CLEC18B: variants seen among roughly 807,000 people sequenced by gnomAD.
CLEC18B encodes the protein C-type lectin domain family 18 member B.
CLEC18B carries 5 observed loss-of-function variants against 60.4 expected under a neutral mutation model. The observed-to-expected ratio is 0.08, with a 90% CI of 0.04 to 0.17. The LOEUF (loss-of-function observed/expected upper bound fraction) is 0.17, where lower values mean the gene tolerates loss of function less well. Among genes scored for constraint, CLEC18B ranks in the 10% least tolerant of loss-of-function variants. CLEC18B has a pLI of 1.00. For synonymous variants in CLEC18B, 16 were observed against 221.2 expected (o/e 0.07, Z 8.23); for missense variants, 26 against 572.8 (o/e 0.05, Z 9.74).
rs1369493064 is a variant in CLEC18B at position 74,409,590 on chromosome 16, G to C, written c.1263C>G (p.Asp421Glu). 4 of 1,613,840 alleles carry C rather than the reference G, an allele frequency of 2.5e-6. No homozygotes were observed. The African/African-American group carries it at 5.3e-5, about 22-fold the overall frequency. ...AACGGTTTCGGGTTTTGCAGCGCTG[G>C]TCGTTCCAGTTGAAGGCAGCTGAAG... ...LQASAAFNWNDQRCKTRNRYI... is the reference protein window; with the variant it reads ...LQASAAFNWNEQRCKTRNRYI... The change falls in exon 11 of 12, where the codon GAC becomes GAG. Residue 421 changes from aspartate to glutamate, a missense_variant. Coordinates refer to ENST00000682950, the MANE Select transcript of CLEC18B (RefSeq NM_001385193.1).
chr16:74,416,256 C>A (rs1418547381), intron 3 of CLEC18B, among the ~76,000 whole-genome samples: 1 of 136,364 alleles, frequency 7.3e-6, no homozygotes, highest in African/African-American at 2.6e-5. Context: ...GAGCGAGACT[C>A]CGTCTCAAAA....
intron 2 of CLEC18B, among the ~76,000 whole-genome samples, chr16:74,419,940 A>G (rs2013602341): frequency 6.6e-6 from 1 of 152,148 alleles, no homozygotes; most frequent in Admixed American, 6.5e-5. Context: ...CCAACCCCGC[A>G]GCCCCAGCCG....
At chr16:74,422,159 A>G (rs2013712627), upstream of CLEC18B, 2 of 151,602 alleles carry the variant, frequency 1.3e-5, no homozygotes, top group African/African-American at 2.4e-5. Flanking sequence ...GCACGTTGCC[A>G]TGATGTGCCG....
intron 2 of CLEC18B, among the ~76,000 whole-genome samples, chr16:74,418,778 T>G (rs1384232862): frequency 1.3e-5 from 2 of 151,740 alleles, no homozygotes; most frequent in Non-Finnish European, 2.9e-5. Flanking sequence ...CACGCACAGC[T>G]GACCCCGCCC....
intron 2 of CLEC18B, among the ~76,000 whole-genome samples, chr16:74,419,915 C>T (rs563657028): frequency 4.1e-3 from 623 of 151,792 alleles, no homozygotes; most frequent in African/African-American, 0.014. Flanking sequence ...GTTTCTGAGC[C>T]TCCAGATGAC....
chr16:74,413,403 G>C (rs1200872829), intron 4 of CLEC18B, among the ~76,000 whole-genome samples, 176 bp downstream of exon 4: 1 of 152,274 alleles, frequency 6.6e-6, no homozygotes, highest in African/African-American at 2.4e-5. Context: ...AGCACCTTCT[G>C]CGTGGCCAGA....
chr16:74,408,677 G>C lies in CLEC18B; in HGVS notation c.*329C>G. On this transcript the variant is annotated 3_prime_UTR_variant, in exon 12 of 12. Coordinates refer to ENST00000682950, the MANE Select transcript of CLEC18B (RefSeq NM_001385193.1). Reference sequence around the variant, plus strand: ...TACCCCGTGGGGTTCATGCCACAGGGAAGCTCCGCTGCCCCACAGGGTCTG... The same window carrying C: ...TACCCCGTGGGGTTCATGCCACAGGCAAGCTCCGCTGCCCCACAGGGTCTG... The C allele has an allele frequency of 1.7e-6, 1 of 594,670 alleles. No homozygotes were observed. The highest frequency in any genetic ancestry group is 3.0e-6 in the Non-Finnish European group (1 of 331,004). The allele number at this position is 594,670 out of a possible 1,614,324, so 36.8% of individuals were successfully genotyped here.
At chr16:74,412,430 AGAGT>A in intron 6 of CLEC18B, 184 bp from the exon 7 acceptor site, 1 of 730,634 alleles carries the variant, frequency 1.4e-6, no homozygotes, top group Non-Finnish European at 2.5e-6. Flanking sequence ...TCCCCATTGC[AGAGT>A]GAGGCATATT....
intron 7 of CLEC18B, 144 bp downstream of exon 7, chr16:74,411,995 GTGTAAATATCCATGC>G: frequency 8.0e-7 from 1 of 1,257,430 alleles, no homozygotes; most frequent in South Asian, 1.3e-5. Context: ...AATTTCTTTG[GTGTAAATATCCATGC>G]TGTGGCCAGT....
At chr16:74,423,866 T>C (rs1225633123), upstream of CLEC18B, among the ~76,000 whole-genome samples, 1 of 152,222 alleles carries the variant, frequency 6.6e-6, no homozygotes, top group Non-Finnish European at 1.5e-5. Context: ...TCCAATGGCG[T>C]AGAGCTGGGA....
intron 7 of CLEC18B, 157 bp from the exon 8 acceptor site, chr16:74,411,932 G>A (rs2013178011): frequency 2.3e-6 from 3 of 1,309,940 alleles, no homozygotes; most frequent in Non-Finnish European, 3.3e-6. Context: ...TTGGAATATT[G>A]AGCTTGCTCT....
upstream of CLEC18B, among the ~76,000 whole-genome samples, chr16:74,423,355 G>A (rs2013746809): frequency 6.6e-6 from 1 of 152,110 alleles, no homozygotes; most frequent in Non-Finnish European, 1.5e-5. Context: ...GATTAGGGTG[G>A]AGCAACTTTT....
intron 5 of CLEC18B, 60 bp from the exon 6 acceptor site, chr16:74,412,940 C>T: frequency 1.2e-6 from 2 of 1,612,170 alleles, no homozygotes; most frequent in East Asian, 2.2e-5. Flanking sequence ...CCGGGCAGGA[C>T]CTCCCTGGGT....
chr16:74,410,040 C>T (rs565292913), intron 10 of CLEC18B, among the ~76,000 whole-genome samples: 83 of 151,880 alleles, frequency 5.5e-4, no homozygotes, highest in Admixed American at 1.4e-3. Flanking sequence ...GCCTCGCAGC[C>T]GGACCACCTC....
upstream of CLEC18B, chr16:74,422,482 G>C (rs2013723693): frequency 1.3e-5 from 2 of 150,806 alleles, no homozygotes; most frequent in African/African-American, 2.4e-5. Flanking sequence ...GTGGAATGTG[G>C]CTATCGTCAT....
At chr16:74,423,739 C>A (rs574801126), upstream of CLEC18B, among the ~76,000 whole-genome samples, 3 of 141,382 alleles carry the variant, frequency 2.1e-5, no homozygotes, top group East Asian at 6.7e-4. Context: ...GAGCAAGGTT[C>A]ATGGGCCAGA....
intron 11 of CLEC18B, among the ~76,000 whole-genome samples, 184 bp downstream of exon 11, chr16:74,409,366 C>G (rs1465780920): frequency 6.7e-6 from 1 of 149,410 alleles, no homozygotes; most frequent in Non-Finnish European, 1.5e-5. Flanking sequence ...GAAGCTGGGC[C>G]CGTCATTGCC....
At chr16:74,416,223 A>C (rs2013408257) in intron 3 of CLEC18B, among the ~76,000 whole-genome samples, 1 of 146,460 alleles carries the variant, frequency 6.8e-6, no homozygotes, top group Non-Finnish European at 1.5e-5. Flanking sequence ...AGATCGCACC[A>C]CTGCACAGCA....
At chr16:74,414,230 G>C (rs1381888212) in intron 3 of CLEC18B, among the ~76,000 whole-genome samples, 1 of 152,286 alleles carries the variant, frequency 6.6e-6, no homozygotes, top group African/African-American at 2.4e-5. Flanking sequence ...CTGAAATGAG[G>C]GGAGATTGTT....
Sources: gnomAD v4.1 joint callset for allele counts (sites outside exome capture counted in the v4.1 genomes callset) on GRCh38, gnomAD v4.1.1 for gene constraint, MANE v1.5 for transcripts, NCBI Gene and HGNC (gene_info 2026-07-23, HGNC 2026-07-21) for gene names.